JMJD1C: variants seen among roughly 807,000 people sequenced by gnomAD.
JMJD1C encodes the protein jumonji domain containing 1C, also known as jumonji domain-containing protein 1C.
JMJD1C carries 31 observed loss-of-function variants against 245.3 expected under a neutral mutation model. The ratio of observed to expected loss-of-function variants is 0.13; its 90% confidence interval spans 0.09 to 0.17. The LOEUF is 0.17. JMJD1C is among the 10% of genes least tolerant of loss of function. The pLI, the probability that JMJD1C is intolerant of heterozygous loss-of-function variation, is 1.00. For synonymous variants in JMJD1C, 1,057 were observed against 1,017.4 expected (o/e 1.04, Z -0.74); for missense variants, 2,691 against 3,000.2 (o/e 0.90, Z 2.41).
intron 2 of JMJD1C, among the ~76,000 whole-genome samples, chr10:63,298,912 G>T (rs185303653): frequency 7.2e-5 from 11 of 152,104 alleles, no homozygotes; most frequent in Admixed American, 5.9e-4. Context: ...TGTATTTTTA[G>T]TAGAGACAAG....
At chr10:63,245,163 A>G (rs1852029652) in intron 3 of JMJD1C, among the ~76,000 whole-genome samples, 1 of 148,342 alleles carries the variant, frequency 6.7e-6, no homozygotes, top group Non-Finnish European at 1.5e-5. Context: ...AAAAAGAGAG[A>G]TTAAAAAAAA....
chr10:63,259,093 C>G (rs1854356680), intron 3 of JMJD1C, among the ~76,000 whole-genome samples: 1 of 152,072 alleles, frequency 6.6e-6, no homozygotes, highest in African/African-American at 2.4e-5. Context: ...AAAGCAAGTC[C>G]CTTCTCCACC....
At chr10:63,507,659 A>AAAAAAAAAAG (rs1554955187) in intron 1 of JMJD1C, among the ~76,000 whole-genome samples, 1 of 150,570 alleles carries the variant, frequency 6.6e-6, no homozygotes, top group Non-Finnish European at 1.5e-5. Flanking sequence ...AAAAAAAAAA[A>AAAAAAAAAAG]AAAACAGTGG....
chr10:63,448,164 T>A (rs1951823288), intron 1 of JMJD1C, among the ~76,000 whole-genome samples: 1 of 151,966 alleles, frequency 6.6e-6, no homozygotes, highest in South Asian at 2.1e-4. Flanking sequence ...TATTTTAATT[T>A]TATTTTATTT....
chr10:63,385,184 T>C (rs1382459252), intron 1 of JMJD1C, among the ~76,000 whole-genome samples: 1 of 152,146 alleles, frequency 6.6e-6, no homozygotes, highest in Admixed American at 6.5e-5. Context: ...TGCCTTCTTA[T>C]ACGGGTGTGG....
At chr10:63,337,624 A>AAAAGGAAAGGAAAAGAAAAGAAAAG (rs139374030) in intron 2 of JMJD1C, among the ~76,000 whole-genome samples, 2 of 60,194 alleles carry the variant, frequency 3.3e-5, no homozygotes, top group African/African-American at 1.5e-4. Context: ...AAAAGAAAAG[A>AAAAGGAAAGGAAAAGAAAAGAAAAG]AAAAGAAAAG....
At chr10:63,471,360 C>T (rs1020208608) in intron 1 of JMJD1C, among the ~76,000 whole-genome samples, 1 of 152,180 alleles carries the variant, frequency 6.6e-6, no homozygotes, top group Non-Finnish European at 1.5e-5. Flanking sequence ...TAACCATATA[C>T]TCCATCTATG....
intron 8 of JMJD1C, among the ~76,000 whole-genome samples, chr10:63,211,103 C>G (rs950759353): frequency 4.6e-5 from 7 of 152,146 alleles, no homozygotes; most frequent in Admixed American, 3.9e-4. Flanking sequence ...CAGGAAACAT[C>G]TTTCAAAACT....
chr10:63,279,153 G>C (rs1008489178), intron 2 of JMJD1C, among the ~76,000 whole-genome samples: 1 of 151,978 alleles, frequency 6.6e-6, no homozygotes, highest in African/African-American at 2.4e-5. Flanking sequence ...AGGAGGCTGA[G>C]GCAGGAGAAT....
At chr10:63,445,890 T>C (rs1055787342) in intron 1 of JMJD1C, among the ~76,000 whole-genome samples, 70 of 120,074 alleles carry the variant, frequency 5.8e-4, no homozygotes, top group East Asian at 2.5e-3. Flanking sequence ...TTTTTTTTTT[T>C]TCCAGACAGA....
At chr10:63,173,760 A>G (rs1842616487) in intron 24 of JMJD1C, among the ~76,000 whole-genome samples, 1 of 152,192 alleles carries the variant, frequency 6.6e-6, no homozygotes, top group Non-Finnish European at 1.5e-5. Context: ...GCTCTTTGAA[A>G]AGAGAAGCTA....
At chr10:63,329,630 T>TCTGA (rs1442363227) in intron 2 of JMJD1C, among the ~76,000 whole-genome samples, 1 of 152,200 alleles carries the variant, frequency 6.6e-6, no homozygotes, top group Non-Finnish European at 1.5e-5. Flanking sequence ...ACAAATGGTC[T>TCTGA]CTGACTTAGA....
intron 10 of JMJD1C, chr10:63,204,420 C>G (rs1191624071): frequency 3.0e-6 from 3 of 984,960 alleles, no homozygotes; most frequent in Non-Finnish European, 3.6e-6. Context: ...ACGTATTTCA[C>G]TAACACTTAA....
rs1846643250 is a variant in JMJD1C, at chr10:63,206,519, TC to T, written c.5074+75del. The T allele has an allele frequency of 1.5e-5, 17 of 1,165,314 alleles. 1 individual carries two copies. Among genetic ancestry groups the T allele is most frequent in the Non-Finnish European group, 1.7e-5 (14 of 830,766 alleles). The allele number at this position is 1,165,314 out of a possible 1,614,324, so 72.2% of individuals were successfully genotyped here. ...CAAAGGATGCCTTTAAGCTCACTGA[TC>T]TTTAAAGCAGCACACTAGTATAGCT... On this transcript the variant is annotated intron_variant, in intron 10 of 25. Coordinates refer to ENST00000399262, the MANE Select transcript of JMJD1C (RefSeq NM_032776.3).
chr10:63,481,812 C>G (rs547984059), intron 1 of JMJD1C, among the ~76,000 whole-genome samples: 1 of 152,234 alleles, frequency 6.6e-6, no homozygotes, highest in Non-Finnish European at 1.5e-5. Flanking sequence ...AAGAGACAAA[C>G]AGGAGCTGGA....
At chr10:63,370,337 C>T (rs1564842787) in intron 2 of JMJD1C, among the ~76,000 whole-genome samples, 1 of 152,186 alleles carries the variant, frequency 6.6e-6, no homozygotes, top group Non-Finnish European at 1.5e-5. Flanking sequence ...AGGTTTCTCT[C>T]AAAGTGTACA....
intron 3 of JMJD1C, among the ~76,000 whole-genome samples, chr10:63,248,126 C>G (rs1334374364): frequency 1.3e-5 from 2 of 151,222 alleles, no homozygotes; most frequent in Non-Finnish European, 2.9e-5. Flanking sequence ...ACTCAGGACG[C>G]TGAAGCAGTA....
intron 1 of JMJD1C, among the ~76,000 whole-genome samples, chr10:63,440,353 A>AAATATAT (rs1554937972): frequency 3.1e-4 from 37 of 120,250 alleles, no homozygotes; most frequent in African/African-American, 1.1e-3. Flanking sequence ...AAAAAAAAAA[A>AAATATAT]ATATATATAT....
intron 1 of JMJD1C, among the ~76,000 whole-genome samples, chr10:63,445,358 G>A (rs1239746065): frequency 6.6e-6 from 1 of 152,188 alleles, no homozygotes; most frequent in African/African-American, 2.4e-5. Context: ...ACCAAAATGA[G>A]CAAGCATGTT....
Sources: gnomAD v4.1 joint callset for allele counts (sites outside exome capture counted in the v4.1 genomes callset) on GRCh38, gnomAD v4.1.1 for gene constraint, MANE v1.5 for transcripts, NCBI Gene and HGNC (gene_info 2026-07-23, HGNC 2026-07-21) for gene names.